Variants in TCIRG1 observed in about 807,000 individuals in gnomAD.
TCIRG1 encodes the protein V-type proton ATPase 116 kDa subunit a 3.
TCIRG1 carries 86 observed loss-of-function variants against 95.5 expected under a neutral mutation model. The observed-to-expected ratio is 0.90, with a 90% confidence interval of 0.76 to 1.08. The LOEUF is 1.08. Among genes scored for constraint, TCIRG1 ranks in the 50% least tolerant of loss-of-function variants. TCIRG1 has a pLI of 0.00. For missense variants in TCIRG1, 1,069 were observed against 1,140.2 expected, an observed-to-expected ratio of 0.94 and a Z score of 0.90; for synonymous variants, 499 against 501.3, an observed-to-expected ratio of 1.00 and a Z score of 0.06.
In TCIRG1 at chr11:68,047,695, C is replaced by G; in HGVS notation, c.1354C>G (p.Leu452Val). ...CCGCTACCTGCTCCTGCTTATGGGCCTGTTCTCCATCTACACCGGCTTCAT... is the reference window on the plus strand; with the variant it reads ...CCGCTACCTGCTCCTGCTTATGGGCGTGTTCTCCATCTACACCGGCTTCAT... ...RGRYLLLLMG[L>V]FSIYTGFIYN... The change falls in exon 12 of 20, where the codon CTG becomes GTG. Residue 452 changes from leucine to valine, a missense_variant. Physicochemically the swap from Leu to Val is conservative, Grantham distance 32. Transcript: ENST00000265686. 6.2e-7 allele frequency: 1 copy of G among 1,612,612 alleles called. No individual in the cohort carries two copies. The highest frequency in any genetic ancestry group is 8.5e-7 in the Non-Finnish European group (1 of 1,179,642).
At chr11:68,046,379 G>C (rs1855485664) in intron 10 of TCIRG1, among the ~76,000 whole-genome samples, 2 of 152,198 alleles carry the variant, frequency 1.3e-5, no homozygotes, top group Non-Finnish European at 1.5e-5. Flanking sequence ...GTTGTCAGCA[G>C]GAGTGGCTCC....
At chr11:68,043,305 G>A (rs1238479395) in intron 5 of TCIRG1, 66 bp from the exon 6 acceptor site, 21 of 1,521,496 alleles carry the variant, frequency 1.4e-5, no homozygotes, top group East Asian at 2.5e-5. Flanking sequence ...GGTCCTGCCC[G>A]GGGGGCCTGG....
intron 1 of TCIRG1, among the ~76,000 whole-genome samples, chr11:68,040,462 G>C (rs1855102744): frequency 6.6e-6 from 1 of 152,228 alleles, no homozygotes; most frequent in Non-Finnish European, 1.5e-5. Flanking sequence ...CCAGACCCAG[G>C]GGAGGAAGTG....
chr11:68,047,742 C>A lies in TCIRG1; in HGVS notation c.1401C>A (p.Arg467=), dbSNP rs763673772. Residue 467 remains arginine, a synonymous_variant, in exon 12 of 20, where the codon CGC becomes CGA. Transcript: ENST00000265686. ...TCATCTACAACGAGTGCTTCAGTCGCGCCACCAGCATCTTCCCCTCGGGCT... is the reference window on the plus strand; with the variant it reads ...TCATCTACAACGAGTGCTTCAGTCGAGCCACCAGCATCTTCCCCTCGGGCT... ...TGFIYNECFS[R]ATSIFPSGWS... 3 of 1,613,278 alleles carry A rather than the reference C, an allele frequency of 1.9e-6. No homozygotes were observed. Among genetic ancestry groups the A allele is most frequent in the Non-Finnish European group, 1.7e-6 (2 of 1,180,002 alleles).
rs553263316 is a variant in TCIRG1, at chr11:68,049,379, C to T, written c.1887+85C>T. 2.8e-4 allele frequency: 400 copies of T among 1,405,630 alleles called. No homozygotes were observed. The African/African-American group carries it at 4.7e-3, about 16-fold the overall frequency. The allele number at this position is 1,405,630 out of a possible 1,614,324, so 87.1% of individuals were successfully genotyped here. On this transcript the variant is annotated intron_variant, in intron 15 of 19. Coordinates refer to ENST00000265686, the MANE Select transcript of TCIRG1 (RefSeq NM_006019.4). The stretch of plus-strand genomic sequence containing the variant: ...GGGCCACTGGGAGCTGCAAGATCCT[C>T]GTCCGAGAAACGGGGATGCAGGCCC...
At chr11:68,040,766 C>T (rs1855121017) in intron 1 of TCIRG1, among the ~76,000 whole-genome samples, 1 of 152,208 alleles carries the variant, frequency 6.6e-6, no homozygotes, top group African/African-American at 2.4e-5. Context: ...GGACAGCCCC[C>T]CCACAGCAGT....
Position 68,044,268 on chromosome 11 carries a change from A to C in TCIRG1, c.944A>C (p.His315Pro). ...AACCAGTGCAGCGTGAGCACCACGC[A>C]CAAGTGCCTCATTGCCGAGGCCTGG... ...ALNQCSVSTT[H>P]KCLIAEAWCS... is the part of the protein sequence containing the mutation. The change falls in exon 9 of 20, where the codon CAC (histidine) becomes CCC (proline). Residue 315 changes from histidine to proline, a missense_variant. His to Pro is a moderately conservative substitution (Grantham distance 77). Coordinates refer to ENST00000265686, the MANE Select transcript of TCIRG1 (RefSeq NM_006019.4). 1 of 1,604,882 alleles carries C rather than the reference A, an allele frequency of 6.2e-7. No homozygotes were observed. The highest frequency in any genetic ancestry group is 8.5e-7 in the Non-Finnish European group (1 of 1,177,200).
At position 68,050,368 on chromosome 11, in the gene TCIRG1, T is replaced by C. The variant is rs1012500660; in HGVS notation, c.2236+114T>C. ...CAGTTTCCCCTCTGTAAAGTGGGAC[T>C]GTCCAAGGAGGTCCCTCGCTGGCCC... is the stretch of plus-strand genomic sequence containing the variant. On this transcript the variant is annotated intron_variant, in intron 18 of 19. Coordinates refer to ENST00000265686, the MANE Select transcript of TCIRG1 (RefSeq NM_006019.4). 59 of 1,601,566 alleles carry C rather than the reference T, an allele frequency of 3.7e-5. No homozygotes were observed. The East Asian group carries it at 1.2e-3, about 34-fold the overall frequency.
chr11:68,048,128 G>A, intron 13 of TCIRG1, 156 bp downstream of exon 13: 1 of 736,860 alleles, frequency 1.4e-6, no homozygotes, highest in South Asian at 1.5e-5. Flanking sequence ...CTCCTGCCCT[G>A]CGGAGCCTGC....
chr11:68,044,750 C>T, intron 9 of TCIRG1: 1 of 661,508 alleles, frequency 1.5e-6, no homozygotes, highest in East Asian at 2.7e-5. Flanking sequence ...AGCATGCTTG[C>T]CTTTCCCAAG....
chr11:68,042,736 T>A lies in TCIRG1; in HGVS notation c.290T>A (p.Ile97Asn), dbSNP rs1243713569. 1.3e-6 allele frequency: 2 copies of A among 1,547,082 alleles called. No individual in the cohort carries two copies. The highest frequency in any genetic ancestry group is 3.9e-5 in the Admixed American group (2 of 50,936). The change falls in exon 4 of 20, where the codon ATC becomes AAC. Residue 97 changes from isoleucine (I) to asparagine (N), a missense_variant. Physicochemically the swap from Ile to Asn is moderately radical, Grantham distance 149. Coordinates refer to ENST00000265686, the MANE Select transcript of TCIRG1 (RefSeq NM_006019.4). ...CCCCCACCCCGGGACCTGCTGCGCA[T>A]CCAGGAGGAGACGGAGCGCCTGGCC... is the stretch of plus-strand genomic sequence containing the variant. Reference protein sequence around the residue: ...PAPPPRDLLRIQEETERLAQE... With the variant: ...PAPPPRDLLRNQEETERLAQE...
chr11:68,039,701 G>A (rs1231290604), intron 1 of TCIRG1: 1 of 152,306 alleles, frequency 6.6e-6, no homozygotes, highest in Non-Finnish European at 1.5e-5. Flanking sequence ...GGGACCAAGG[G>A]GGACAGGGGT....
chr11:68,042,384 C>T (rs1402885990), intron 3 of TCIRG1, among the ~76,000 whole-genome samples: 1 of 152,192 alleles, frequency 6.6e-6, no homozygotes, highest in East Asian at 1.9e-4. Context: ...CCAAGCCCTG[C>T]AGCGCAAGGG....
In TCIRG1 at chr11:68,049,842, C is replaced by T. The variant is rs974250086; in HGVS notation, c.2013+54C>T. On this transcript the variant is annotated intron_variant, in intron 16 of 19. Transcript: ENST00000265686. Reference sequence around the variant, plus strand: ...CTGCTTGCGGGGAGAGGCCACTGTCCGGTGTGTCCCTGACTCCTCGCTTCC... The same window carrying T: ...CTGCTTGCGGGGAGAGGCCACTGTCTGGTGTGTCCCTGACTCCTCGCTTCC... 3.6e-5 allele frequency: 56 copies of T among 1,555,320 alleles called. No homozygotes were observed. In the African/African-American group the frequency reaches 4.0e-4, roughly 11 times the overall value.
In TCIRG1 at chr11:68,050,792, C is replaced by T. The variant is rs1253231019; in HGVS notation, c.2466C>T (p.Pro822=). ...CAGGCACGGGCTACAAGCTGAGTCC[C>T]TTCACCTTCGCTGCCACAGATGACT... ...FYSGTGYKLS[P]FTFAATDD Residue 822 remains proline, a synonymous_variant, in exon 20 of 20, where the codon CCC becomes CCT. Coordinates refer to ENST00000265686, the MANE Select transcript of TCIRG1 (RefSeq NM_006019.4). 2.5e-6 allele frequency: 4 copies of T among 1,613,630 alleles called. No homozygotes were observed. The highest frequency in any genetic ancestry group is 2.7e-5 in the African/African-American group (2 of 74,944).
intron 10 of TCIRG1, 45 bp from the exon 11 acceptor site, chr11:68,047,388 G>A: frequency 6.2e-7 from 1 of 1,610,894 alleles, no homozygotes. Context: ...GGAGGCAGAT[G>A]CTGGTGTGTT....
At position 68,042,717 on chromosome 11, in the gene TCIRG1, C is replaced by A; in HGVS notation, c.271C>A (p.Pro91Thr). The A allele has an allele frequency of 6.5e-7, 1 of 1,546,532 alleles. No homozygotes were observed. Among genetic ancestry groups the A allele is most frequent in the Non-Finnish European group, 8.7e-7 (1 of 1,145,960 alleles). The change falls in exon 4 of 20, where the codon CCC (proline) becomes ACC (threonine). Residue 91 changes from proline to threonine, a missense_variant. Pro to Thr is a conservative substitution (Grantham distance 38). Transcript: ENST00000265686. ...AAAGGGGAGGCTGCCGGCACCCCCA[C>A]CCCGGGACCTGCTGCGCATCCAGGA... The part of the protein sequence containing the change: ...PPKGRLPAPP[P>T]RDLLRIQEET...
Position 68,041,312 on chromosome 11 carries a change from A to C in TCIRG1, c.41A>C (p.Gln14Pro). Residue 14 changes from glutamine (Q) to proline (P), a missense_variant, in exon 2 of 20, where the codon CAG (glutamine) becomes CCG (proline). Physicochemically the swap from Gln to Pro is moderately conservative, Grantham distance 76 (BLOSUM62 -1). Transcript: ENST00000265686. ...CGGAGCGAGGAGGTGGCCCTGGTCC[A>C]GCTCTTTCTGCCCACAGCGGCTGCC... ...MFRSEEVALVQLFLPTAAAYT... is the reference protein window; with the variant it reads ...MFRSEEVALVPLFLPTAAAYT... 1 of 1,613,226 alleles carries C rather than the reference A, an allele frequency of 6.2e-7. No homozygotes were observed. The highest frequency in any genetic ancestry group is 8.5e-7 in the Non-Finnish European group (1 of 1,179,954).
rs776554801 is a variant in TCIRG1, at chr11:68,050,608, T to A, written c.2358T>A (p.Ala786=). ...IFAAFAVMTV[A]ILLVMEGLSA... is the part of the protein sequence containing the mutation. ...CCGCCTTTGCCGTGATGACCGTGGCTATCCTGCTGGTGATGGAGGGACTCT... is the reference window on the plus strand; with the variant it reads ...CCGCCTTTGCCGTGATGACCGTGGCAATCCTGCTGGTGATGGAGGGACTCT... Residue 786 remains alanine, a synonymous_variant, in exon 19 of 20, where the codon GCT becomes GCA. Transcript: ENST00000265686. The A allele has an allele frequency of 1.9e-5, 31 of 1,613,370 alleles. No homozygotes were observed. Among genetic ancestry groups the A allele is most frequent in the Non-Finnish European group, 2.3e-5 (27 of 1,180,036 alleles).
Sources: gnomAD v4.1 joint callset for allele counts (sites outside exome capture counted in the v4.1 genomes callset) on GRCh38, gnomAD v4.1.1 for gene constraint, MANE v1.5 for transcripts, NCBI Gene and HGNC (gene_info 2026-07-23, HGNC 2026-07-21) for gene names.